Variants in TASOR2 observed in about 807,000 individuals in gnomAD.
The protein encoded by TASOR2 is transcription activation suppressor family member 2.
A neutral mutation model predicts 199.5 loss-of-function variants in TASOR2; 84 were observed. The ratio of observed to expected loss-of-function variants is 0.42; its 90% confidence interval spans 0.35 to 0.50. The LOEUF is 0.50. TASOR2 is among the 20% of genes least tolerant of loss of function. The probability of loss-of-function intolerance (pLI) is 0.02; values close to 1 mark genes in which losing one functional copy is unlikely to be tolerated. For missense variants in TASOR2, 2,796 were observed against 2,835.9 expected, an observed-to-expected ratio of 0.99 and a Z score of 0.32; for synonymous variants, 1,103 against 1,046.6, an observed-to-expected ratio of 1.05 and a Z score of -1.04.
In TASOR2 at chr10:5,722,395, G is replaced by A. The variant is rs1302341012; in HGVS notation, c.147-1282G>A. Among the ~76,000 whole-genome samples the A allele has an allele frequency of 1.3e-5, 2 of 152,126 alleles. No individual in the cohort carries two copies. The highest frequency in any genetic ancestry group is 4.8e-5 in the African/African-American group (2 of 41,420). ...CACTTGAACCTGGGAGGTGGAGGTTGCATTGAGCTGAGATCGCGCCACTAC... is the reference window on the plus strand; with the variant it reads ...CACTTGAACCTGGGAGGTGGAGGTTACATTGAGCTGAGATCGCGCCACTAC... On this transcript the variant is annotated intron_variant, in intron 6 of 20. Coordinates refer to ENST00000328090, the Ensembl canonical transcript of TASOR2. The surrounding 1 kb of genome is among the most constrained non-coding windows in gnomAD (Gnocchi z 4.0).
exon 9 of TASOR2, chr10:5,726,932 A>G (rs199596450): frequency 2.2e-5 from 36 of 1,613,988 alleles, no homozygotes; most frequent in Non-Finnish European, 2.8e-5. Flanking sequence ...TTTTACTTAC[A>G]TCATCAGCCT....
At chr10:5,708,794 C>G (rs939346626) in intron 1 of TASOR2, among the ~76,000 whole-genome samples, 2 of 152,022 alleles carry the variant, frequency 1.3e-5, no homozygotes, top group African/African-American at 2.4e-5. Flanking sequence ...TTCTTCCCCC[C>G]AGACTCAAGC....
chr10:5,695,250 A>G (rs550909417), intron 1 of TASOR2, among the ~76,000 whole-genome samples: 66 of 152,324 alleles, frequency 4.3e-4, no homozygotes, highest in African/African-American at 1.6e-3. Flanking sequence ...TCCTGCCGTG[A>G]TATTGCTTGG....
chr10:5,723,844 C>G, intron 7 of TASOR2, 67 bp downstream of exon 8: 1 of 985,246 alleles, frequency 1.0e-6, no homozygotes, highest in Non-Finnish European at 1.5e-6. Context: ...TGCTCTCTTC[C>G]AAACACTCAC....
At chr10:5,743,014 T>G (rs1282929744) in intron 14 of TASOR2, among the ~76,000 whole-genome samples, 1 of 152,208 alleles carries the variant, frequency 6.6e-6, no homozygotes. Flanking sequence ...CCATTGCAAA[T>G]AACTATTTGT....
exon 21 of TASOR2, chr10:5,763,244 G>A: frequency 2.2e-6 from 1 of 455,144 alleles, no homozygotes; most frequent in Non-Finnish European, 3.9e-6. Flanking sequence ...TGCAGTGCTA[G>A]ATATTGTTTT....
chr10:5,737,176 T>C lies in TASOR2; in HGVS notation c.1447+1630T>C, dbSNP rs1352457755. On this transcript the variant is annotated intron_variant, in intron 12 of 20. Coordinates refer to ENST00000328090, the Ensembl canonical transcript of TASOR2. The surrounding 1 kb of genome is among the most constrained non-coding windows in gnomAD (Gnocchi z 4.9). ...GGTTTAACCATTTTGGCCAGGATAG[T>C]CTCAACTTCTTGACCTCTTGACCTC... 6.6e-6 allele frequency among the ~76,000 whole-genome samples: 1 copy of C among 152,060 alleles called. No homozygotes were observed. The highest frequency in any genetic ancestry group is 1.5e-5 in the Non-Finnish European group (1 of 68,000).
rs1157272621 is a variant in TASOR2 at position 5,722,308 on chromosome 10, T to G, written c.146+1338T>G. Among the ~76,000 whole-genome samples the G allele has an allele frequency of 6.6e-6, 1 of 152,078 alleles. No individual in the cohort carries two copies. Among genetic ancestry groups the G allele is most frequent in the Admixed American group, 6.5e-5 (1 of 15,286 alleles). Reference sequence around the variant, plus strand: ...TCTCCCTAATAAAAATACAAAAAATTAGCCGGGCGTGGTGGCACGTGCCTG... The same window carrying G: ...TCTCCCTAATAAAAATACAAAAAATGAGCCGGGCGTGGTGGCACGTGCCTG... On this transcript the variant is annotated intron_variant, in intron 6 of 20. Coordinates refer to ENST00000328090, the Ensembl canonical transcript of TASOR2. The surrounding 1 kb of genome is among the most constrained non-coding windows in gnomAD (Gnocchi z 4.0).
rs576772470 is a variant in TASOR2 at position 5,763,168 on chromosome 10, TTTTCA to T, written c.*140_*144del. 622 of 835,272 alleles carry T rather than the reference TTTTCA, an allele frequency of 7.4e-4. 3 individuals are homozygous for T. The African/African-American group carries it at 9.7e-3, about 13-fold the overall frequency. 51.7% of individuals were successfully genotyped at this position (835,272 alleles called of 1,614,324 possible). On this transcript the variant is annotated 3_prime_UTR_variant, in exon 21 of 21. Coordinates refer to ENST00000328090, the Ensembl canonical transcript of TASOR2. ...AACCAATGTTCTACAACTTGGAAAG[TTTTCA>T]TTTTTTATATTTTGCTGAAATATGT...
chr10:5,727,614 T>G (rs1437912079), intron 10 of TASOR2, among the ~76,000 whole-genome samples: 1 of 152,104 alleles, frequency 6.6e-6, no homozygotes, highest in Admixed American at 6.6e-5. Flanking sequence ...TATCTGGTAT[T>G]AAAATTTTGG....
chr10:5,724,635 AGAT>A (rs1461444146), intron 8 of TASOR2, 102 bp downstream of exon 9: 1 of 129,664 alleles, frequency 7.7e-6, no homozygotes, highest in Non-Finnish European at 1.7e-5. Flanking sequence ...ATATATATAT[AGAT>A]AGATAGATAG....
At chr10:5,715,863 G>A (rs1299733442) in intron 2 of TASOR2, among the ~76,000 whole-genome samples, 1 of 152,110 alleles carries the variant, frequency 6.6e-6, no homozygotes, top group South Asian at 2.1e-4. Flanking sequence ...GGATGGTCTC[G>A]ATCTCCTGAC....
At chr10:5,717,592 T>C in intron 2 of TASOR2, 67 bp from the exon 4 acceptor site, 1 of 609,916 alleles carries the variant, frequency 1.6e-6, no homozygotes, top group Non-Finnish European at 2.4e-6. Flanking sequence ...TAATTGGTCT[T>C]CTTGCTTCTA....
exon 1 of TASOR2, chr10:5,684,912 T>A: frequency 2.5e-6 from 1 of 397,810 alleles, no homozygotes; most frequent in Non-Finnish European, 4.4e-6. Context: ...CGGGGTTGCC[T>A]CTTGCCCGTG....
rs774994238 is a variant in TASOR2, at chr10:5,752,256, A to G, written c.6606+2229A>G. Among the ~76,000 whole-genome samples, 2 of 152,244 alleles carry G rather than the reference A, an allele frequency of 1.3e-5. No individual in the cohort carries two copies. The highest frequency in any genetic ancestry group is 2.4e-5 in the African/African-American group (1 of 41,464). ...GGAAAACACTGATTAAAAGAGTCAC[A>G]CAAATAAATGTGAAATGAAAGTGAT... On this transcript the variant is annotated intron_variant, in intron 15 of 20. Coordinates refer to ENST00000328090, the Ensembl canonical transcript of TASOR2. This position sits in a 1 kb window ranked among gnomAD's most constrained non-coding sequence, Gnocchi z 4.4.
intron 10 of TASOR2, 79 bp downstream of exon 11, chr10:5,727,202 C>T (rs1048522460): frequency 6.2e-6 from 9 of 1,440,158 alleles, no homozygotes; most frequent in African/African-American, 4.2e-5. Context: ...CTCAGCAGCA[C>T]GTGACACTGT....
chr10:5,691,768 C>T (rs1423588950), intron 1 of TASOR2, among the ~76,000 whole-genome samples: 1 of 152,160 alleles, frequency 6.6e-6, no homozygotes, highest in African/African-American at 2.4e-5. Context: ...CCCTGCACCT[C>T]CGTTTGATTA....
intron 17 of TASOR2, 43 bp from the exon 19 acceptor site, chr10:5,758,844 C>G (rs1839359556): frequency 6.7e-7 from 1 of 1,485,110 alleles, no homozygotes; most frequent in Non-Finnish European, 9.4e-7. Context: ...CCAAAAGTAC[C>G]TTAAACTTGT....
At chr10:5,760,978 A>G (rs953312141) in intron 18 of TASOR2, 7 of 211,888 alleles carry the variant, frequency 3.3e-5, no homozygotes, top group Non-Finnish European at 6.6e-5. Flanking sequence ...ATAGATGTGC[A>G]TTGCTCTACA....
Sources: gnomAD v4.1 joint callset for allele counts (sites outside exome capture counted in the v4.1 genomes callset) on GRCh38, gnomAD v4.1.1 for gene constraint, Gnocchi (gnomAD v3.1) non-coding constraint, MANE v1.5 for transcripts, NCBI Gene and HGNC (gene_info 2026-07-23, HGNC 2026-07-21) for gene names.